Variants in YWHAE observed in about 807,000 individuals in gnomAD.
The protein encoded by YWHAE is 14-3-3 protein epsilon.
Under a neutral mutation model 30.1 loss-of-function variants are expected in YWHAE, and 4 were observed. That is an observed-to-expected ratio of 0.13 (90% CI 0.07 to 0.30). The LOEUF is 0.30. YWHAE is among the 10% of genes least tolerant of loss of function. The probability of loss-of-function intolerance (pLI) is 1.00; values close to 1 mark genes in which losing one functional copy is unlikely to be tolerated. For synonymous variants in YWHAE, 118 were observed against 111.8 expected, an observed-to-expected ratio of 1.06 and a Z score of -0.35; for missense variants, 121 against 315.9, an observed-to-expected ratio of 0.38 and a Z score of 4.68.
chr17:1,399,839 T>C lies in YWHAE; in HGVS notation c.64+208A>G, dbSNP rs979600823. On this transcript the variant is annotated intron_variant, in intron 1 of 5. Coordinates refer to ENST00000264335, the MANE Select transcript of YWHAE (RefSeq NM_006761.5). ...CCCGGCCTCCCGGCCCGCGAGTTGT[T>C]TGCAGTTAAGGACGGCGAAGGGGTC... 3.7e-5 allele frequency: 21 copies of C among 571,412 alleles called. No homozygotes were observed. In the Admixed American group the frequency reaches 3.7e-4, roughly 10 times the overall value. The allele number at this position is 571,412 out of a possible 1,614,324, so 35.4% of individuals were successfully genotyped here.
intron 1 of YWHAE, among the ~76,000 whole-genome samples, chr17:1,385,661 G>A (rs4790347): frequency 0.48 from 73,168 of 151,888 alleles, 19,066 homozygotes; most frequent in African/African-American, 0.67. Context: ...GAAGGAAGAC[G>A]GAGGATGCAG....
At chr17:1,370,374 G>A (rs373803639) in intron 1 of YWHAE, among the ~76,000 whole-genome samples, 69 of 151,782 alleles carry the variant, frequency 4.5e-4, no homozygotes, top group South Asian at 1.9e-3. Context: ...CTTGTGATCC[G>A]CCCGCCTTGG....
intron 5 of YWHAE, among the ~76,000 whole-genome samples, chr17:1,352,619 G>A (rs2072654019): frequency 6.6e-6 from 1 of 151,924 alleles, no homozygotes; most frequent in Non-Finnish European, 1.5e-5. Flanking sequence ...TCCGCCTCCT[G>A]GGTTTAAGCA....
Position 1,366,194 on chromosome 17 carries a change from AAC to A in YWHAE, c.65-1138_65-1137del, listed in dbSNP as rs1327647270. On this transcript the variant is annotated intron_variant, in intron 1 of 5. Transcript: ENST00000264335. ...TCATGCCGCTGCACTCCAGCCCAGC[AAC>A]AGAGACTCCACCTCAAAAAAAAAAA... Among the ~76,000 whole-genome samples the A allele has an allele frequency of 2.0e-5, 3 of 148,554 alleles. No homozygotes were observed. In the Admixed American group the frequency reaches 2.0e-4, roughly 10 times the overall value.
chr17:1,345,179 G>A lies in YWHAE; in HGVS notation c.*268C>T, dbSNP rs2150833087. ...TCTGGCACGGAGACGACACAGTAAT[G>A]CTGAAAAAGCCTCTATGTAGTCCTG... is the stretch of plus-strand genomic sequence containing the variant. On this transcript the variant is annotated 3_prime_UTR_variant, in exon 6 of 6. Transcript: ENST00000264335. 3 of 484,488 alleles carry A rather than the reference G, an allele frequency of 6.2e-6. No individual in the cohort carries two copies. The East Asian group carries it at 9.8e-5, about 16-fold the overall frequency. 30.0% of individuals were successfully genotyped at this position (484,488 alleles called of 1,614,324 possible).
intron 1 of YWHAE, among the ~76,000 whole-genome samples, chr17:1,372,192 C>T (rs897014014): frequency 1.3e-5 from 2 of 152,170 alleles, no homozygotes; most frequent in Non-Finnish European, 2.9e-5. Flanking sequence ...CCTTACTAAC[C>T]AACCTCTGCT....
intron 1 of YWHAE, among the ~76,000 whole-genome samples, chr17:1,382,347 C>CT (rs546696128): frequency 0.028 from 3,365 of 119,254 alleles, 63 homozygotes; most frequent in African/African-American, 0.046. Context: ...CGCGCCCGGC[C>CT]TTTTTTTTTT....
At chr17:1,388,852 T>A (rs534494352) in intron 1 of YWHAE, among the ~76,000 whole-genome samples, 4 of 152,220 alleles carry the variant, frequency 2.6e-5, no homozygotes, top group Non-Finnish European at 5.9e-5. Flanking sequence ...ACAGTGACAA[T>A]ATTTTCTGGT....
At chr17:1,391,320 G>A (rs16945811) in intron 1 of YWHAE, among the ~76,000 whole-genome samples, 10,818 of 152,106 alleles carry the variant, frequency 0.071, 439 homozygotes, top group African/African-American at 0.091. Flanking sequence ...TCCTAGAGAC[G>A]TAGATCTAAG....
At chr17:1,365,812 C>T (rs1051883757) in intron 1 of YWHAE, among the ~76,000 whole-genome samples, 1 of 152,178 alleles carries the variant, frequency 6.6e-6, no homozygotes, top group African/African-American at 2.4e-5. Flanking sequence ...GGTGATGAGA[C>T]TCAAGAATCT....
At chr17:1,396,283 G>T (rs757690693) in intron 1 of YWHAE, among the ~76,000 whole-genome samples, 15 of 151,758 alleles carry the variant, frequency 9.9e-5, no homozygotes, top group South Asian at 6.2e-4. Flanking sequence ...AATTAGCATG[G>T]CATGGTGGCA....
chr17:1,396,505 TCCTAC>T (rs2073474283), intron 1 of YWHAE, among the ~76,000 whole-genome samples: 1 of 152,126 alleles, frequency 6.6e-6, no homozygotes, highest in East Asian at 1.9e-4. Flanking sequence ...CAAAACTTCA[TCCTAC>T]CTTCCATGAA....
intron 1 of YWHAE, among the ~76,000 whole-genome samples, chr17:1,378,080 T>C (rs1234325176): frequency 6.6e-6 from 1 of 152,138 alleles, no homozygotes; most frequent in Non-Finnish European, 1.5e-5. Flanking sequence ...TTTTTATGGT[T>C]TGGAGGGGAT....
At chr17:1,381,182 G>A (rs1318319287) in intron 1 of YWHAE, among the ~76,000 whole-genome samples, 1 of 152,082 alleles carries the variant, frequency 6.6e-6, no homozygotes, top group Non-Finnish European at 1.5e-5. Context: ...GTTACAGACT[G>A]GCCTGGCCAA....
chr17:1,374,319 GAA>G lies in YWHAE; in HGVS notation c.65-9263_65-9262del, dbSNP rs112933389. Among the ~76,000 whole-genome samples, 848 of 145,580 alleles carry G rather than the reference GAA, an allele frequency of 5.8e-3. 5 individuals carry two copies. Among genetic ancestry groups the G allele is most frequent in the African/African-American group, 0.015 (600 of 39,636 alleles). On this transcript the variant is annotated intron_variant, in intron 1 of 5. Coordinates refer to ENST00000264335, the MANE Select transcript of YWHAE (RefSeq NM_006761.5). The stretch of plus-strand genomic sequence containing the variant: ...GCAACAGAGCGAGACTTGGTCTCAG[GAA>G]AAAAAAAAAAAAATCCATTCGTTAG...
At chr17:1,396,707 C>T (rs1391413074) in intron 1 of YWHAE, among the ~76,000 whole-genome samples, 1 of 152,216 alleles carries the variant, frequency 6.6e-6, no homozygotes, top group Non-Finnish European at 1.5e-5. Context: ...CTCACCGCAA[C>T]CTCGGCCTCC....
chr17:1,367,332 G>A (rs1280600319), intron 1 of YWHAE, among the ~76,000 whole-genome samples: 1 of 152,200 alleles, frequency 6.6e-6, no homozygotes, highest in African/African-American at 2.4e-5. Flanking sequence ...TCCATGCACA[G>A]TGGCTCACAT....
rs35109750 is a variant in YWHAE at position 1,366,210 on chromosome 17, CA to C, written c.65-1153del. 2.4e-3 allele frequency among the ~76,000 whole-genome samples: 302 copies of C among 127,138 alleles called. 2 individuals are homozygous for C. Among genetic ancestry groups the C allele is most frequent in the Admixed American group, 3.7e-3 (46 of 12,370 alleles). The allele number at this position is 127,138 out of a possible 152,430, so 83.4% of individuals were successfully genotyped here. On this transcript the variant is annotated intron_variant, in intron 1 of 5. Transcript: ENST00000264335. ...CAGCCCAGCAACAGAGACTCCACCTCAAAAAAAAAAAAATAGAATAAATAAA... is the reference window on the plus strand; with the variant it reads ...CAGCCCAGCAACAGAGACTCCACCTCAAAAAAAAAAAATAGAATAAATAAA...
intron 4 of YWHAE, among the ~76,000 whole-genome samples, chr17:1,358,960 C>A (rs2072808034): frequency 6.6e-6 from 1 of 151,444 alleles, no homozygotes; most frequent in African/African-American, 2.4e-5. Context: ...CACTGTGAAA[C>A]CCCATCCCTA....
Sources: gnomAD v4.1 joint callset for allele counts (sites outside exome capture counted in the v4.1 genomes callset) on GRCh38, gnomAD v4.1.1 for gene constraint, MANE v1.5 for transcripts, NCBI Gene and HGNC (gene_info 2026-07-23, HGNC 2026-07-21) for gene names.